Variants in NEK10 observed in about 807,000 individuals in gnomAD.
NEK10 encodes the protein serine/threonine-protein kinase Nek10.
In NEK10, 122 loss-of-function variants were observed where a neutral mutation model predicts 159.8. The ratio of observed to expected loss-of-function variants is 0.76; its 90% CI spans 0.66 to 0.89. NEK10 has a LOEUF of 0.89. Ranked by LOEUF, NEK10 falls within the 40% of genes least tolerant of loss-of-function variation. The pLI, the probability that NEK10 is intolerant of heterozygous loss-of-function variation, is 0.00. For missense variants in NEK10, 1,342 were observed against 1,323.1 expected, an observed-to-expected ratio of 1.01 and a Z score of -0.22; for synonymous variants, 466 against 457.1, an observed-to-expected ratio of 1.02 and a Z score of -0.25.
At chr3:27,240,311 G>GA (rs140706464) in intron 23 of NEK10, among the ~76,000 whole-genome samples, 19 of 146,174 alleles carry the variant, frequency 1.3e-4, no homozygotes, top group South Asian at 2.2e-4. Flanking sequence ...ATTTTTTGTA[G>GA]AAAAAAAAAA....
intron 32 of NEK10, among the ~76,000 whole-genome samples, chr3:27,129,286 G>A (rs1522153): frequency 0.67 from 102,117 of 151,974 alleles, 34,978 homozygotes; most frequent in East Asian, 0.83. Flanking sequence ...AGTAGGCACA[G>A]TCATCCCATA....
intron 5 of NEK10, among the ~76,000 whole-genome samples, chr3:27,335,339 C>CAAA (rs3036447): frequency 4.4e-4 from 43 of 98,390 alleles, no homozygotes; most frequent in African/African-American, 1.2e-3. Flanking sequence ...AACTCTGTCT[C>CAAA]AAAAAAAAAA....
At chr3:27,225,134 G>C (rs895037735) in intron 23 of NEK10, among the ~76,000 whole-genome samples, 4 of 152,356 alleles carry the variant, frequency 2.6e-5, no homozygotes, top group Non-Finnish European at 4.4e-5. Flanking sequence ...AGAACTTGGA[G>C]TCCAGTGTTC....
At chr3:27,262,699 T>C (rs1490795172) in intron 22 of NEK10, among the ~76,000 whole-genome samples, 1 of 152,244 alleles carries the variant, frequency 6.6e-6, no homozygotes, top group African/African-American at 2.4e-5. Context: ...CTTTAAGGAC[T>C]TCTCTGCATT....
chr3:27,325,585 G>GTTT (rs2045948322), intron 5 of NEK10, among the ~76,000 whole-genome samples: 1 of 152,024 alleles, frequency 6.6e-6, no homozygotes, highest in African/African-American at 2.4e-5. Flanking sequence ...CTCAAAGTTA[G>GTTT]GATGAACATT....
chr3:27,126,413 T>C (rs1395299412), intron 32 of NEK10, among the ~76,000 whole-genome samples: 1 of 152,110 alleles, frequency 6.6e-6, no homozygotes, highest in African/African-American at 2.4e-5. Context: ...GAATATTGGG[T>C]CCAGGATACA....
intron 22 of NEK10, among the ~76,000 whole-genome samples, chr3:27,260,191 C>T (rs2040274766): frequency 6.6e-6 from 1 of 152,124 alleles, no homozygotes; most frequent in South Asian, 2.1e-4. Context: ...TTCCTTGTTT[C>T]CTAATTGAAT....
intron 30 of NEK10, among the ~76,000 whole-genome samples, chr3:27,143,236 T>C (rs984485088): frequency 6.6e-6 from 1 of 152,210 alleles, no homozygotes; most frequent in African/African-American, 2.4e-5. Flanking sequence ...CAAGTTGTTA[T>C]TGCTACAGAA....
chr3:27,127,981 C>A (rs1367238669), intron 32 of NEK10, among the ~76,000 whole-genome samples: 1 of 152,076 alleles, frequency 6.6e-6, no homozygotes, highest in East Asian at 1.9e-4. Flanking sequence ...TGCTGATTAT[C>A]CCCCTGATGT....
chr3:27,224,894 C>T (rs113566743), intron 23 of NEK10, among the ~76,000 whole-genome samples: 35 of 152,250 alleles, frequency 2.3e-4, no homozygotes, highest in African/African-American at 8.4e-4. Context: ...AGTTAGTGCT[C>T]ACAAAATGTC....
chr3:27,326,676 T>C (rs558325599), intron 5 of NEK10, among the ~76,000 whole-genome samples: 2 of 152,312 alleles, frequency 1.3e-5, no homozygotes, highest in African/African-American at 4.8e-5. Context: ...TCCAACCAAA[T>C]GGAATTTTTG....
At chr3:27,259,779 G>T (rs1007420905) in intron 22 of NEK10, among the ~76,000 whole-genome samples, 6 of 152,108 alleles carry the variant, frequency 3.9e-5, no homozygotes, top group Admixed American at 1.3e-4. Context: ...GCTTGATGGG[G>T]ATGGCATTGA....
chr3:27,316,896 G>A (rs938842273), intron 6 of NEK10, among the ~76,000 whole-genome samples: 1 of 152,178 alleles, frequency 6.6e-6, no homozygotes, highest in African/African-American at 2.4e-5. Flanking sequence ...TCTATCTCAG[G>A]ACTCTTTGGC....
rs373738754 is a variant in NEK10, at chr3:27,163,263, T to A, written c.2832-525A>T. 4.7e-4 allele frequency among the ~76,000 whole-genome samples: 72 copies of A among 152,310 alleles called. No individual in the cohort carries two copies. The South Asian group carries it at 5.8e-3, about 12-fold the overall frequency. On this transcript the variant is annotated intron_variant, in intron 29 of 35. Transcript: ENST00000691995. ...ATCATTTTACGAGTTGGTCTCAGTGTCTTCTACTCTGTGGAGGTGGCCTTA... is the reference window on the plus strand; with the variant it reads ...ATCATTTTACGAGTTGGTCTCAGTGACTTCTACTCTGTGGAGGTGGCCTTA...
intron 31 of NEK10, among the ~76,000 whole-genome samples, chr3:27,140,709 T>C (rs1234112167): frequency 6.6e-6 from 1 of 152,118 alleles, no homozygotes; most frequent in African/African-American, 2.4e-5. Context: ...GTTCTTTGAA[T>C]CTAGAGCAAG....
intron 33 of NEK10, among the ~76,000 whole-genome samples, chr3:27,116,390 A>G (rs1300935445): frequency 6.6e-6 from 1 of 152,120 alleles, no homozygotes; most frequent in Non-Finnish European, 1.5e-5. Context: ...AGTGTCCAAT[A>G]AAGTTAGAGG....
At chr3:27,204,022 A>G (rs1290600409) in intron 23 of NEK10, among the ~76,000 whole-genome samples, 7 of 152,190 alleles carry the variant, frequency 4.6e-5, no homozygotes, top group Non-Finnish European at 1.5e-5. Flanking sequence ...TTTAACAAGA[A>G]GAAAACATGC....
In NEK10 at chr3:27,124,891, A is replaced by G. The variant is rs1575404245; in HGVS notation, c.3082-5023T>C. 3.3e-5 allele frequency among the ~76,000 whole-genome samples: 5 copies of G among 152,182 alleles called. No individual in the cohort carries two copies. In the South Asian group the frequency reaches 1.0e-3, roughly 31 times the overall value. On this transcript the variant is annotated intron_variant, in intron 32 of 35. Coordinates refer to ENST00000691995, the MANE Select transcript of NEK10 (RefSeq NM_001394966.1). ...AGATGAGGCCATGAGATGGTTCAGT[A>G]GTCCAATGCAAGTGCTGTGTGAACC...
At chr3:27,195,046 T>C (rs955379116) in intron 25 of NEK10, among the ~76,000 whole-genome samples, 16 of 152,210 alleles carry the variant, frequency 1.1e-4, no homozygotes, top group African/African-American at 3.1e-4. Context: ...GGAAAGATGC[T>C]GCACATTAGA....
Sources: gnomAD v4.1 joint callset for allele counts (sites outside exome capture counted in the v4.1 genomes callset) on GRCh38, gnomAD v4.1.1 for gene constraint, MANE v1.5 for transcripts, NCBI Gene and HGNC (gene_info 2026-07-23, HGNC 2026-07-21) for gene names.